CEP78: variants seen among roughly 807,000 people sequenced by gnomAD.
CEP78 encodes centrosomal protein 78.
Under a neutral mutation model 81.2 loss-of-function variants are expected in CEP78, and 76 were observed. The ratio of observed to expected loss-of-function variants is 0.94; its 90% CI spans 0.78 to 1.13. The LOEUF (loss-of-function observed/expected upper bound fraction) is 1.13. Among genes scored for constraint, CEP78 ranks in the 50% most tolerant of loss-of-function variants. The probability of loss-of-function intolerance (pLI) is 0.00; values close to 1 mark genes in which losing one functional copy is unlikely to be tolerated. For synonymous variants in CEP78, 293 were observed against 301.4 expected (o/e 0.97, Z 0.29); for missense variants, 918 against 846.8 (o/e 1.08, Z -1.04).
Position 78,264,212 on chromosome 9 carries a change from A to G in CEP78, c.1521A>G (p.Ala507=), listed in dbSNP as rs1248933468. Reference sequence around the variant, plus strand: ...TCTCTTTGTCTGAAGCCCTTCATGCACAGTCATTGACAAATATGATCCTGG... The same window carrying G: ...TCTCTTTGTCTGAAGCCCTTCATGCGCAGTCATTGACAAATATGATCCTGG... ...INFSLSEALH[A]QSLTNMILDD... is the part of the protein sequence containing the mutation. Residue 507 remains alanine (A), a synonymous_variant, in exon 13 of 17, where the codon GCA becomes GCG. Coordinates refer to ENST00000643273, the MANE Select transcript of CEP78 (RefSeq NM_001330691.3). 1 of 1,598,792 alleles carries G rather than the reference A, an allele frequency of 6.3e-7. No homozygotes were observed. Among genetic ancestry groups the G allele is most frequent in the Non-Finnish European group, 8.5e-7 (1 of 1,173,520 alleles).
At chr9:78,244,134 CTTTTTTTTTTT>C (rs971743733) in intron 5 of CEP78, among the ~76,000 whole-genome samples, 2 of 110,776 alleles carry the variant, frequency 1.8e-5, no homozygotes, top group Non-Finnish European at 3.7e-5. Flanking sequence ...ATTGAAGTTA[CTTTTTTTTTTT>C]TTTTTTTTTT....
chr9:78,256,800 A>G (rs1364180374), intron 11 of CEP78, among the ~76,000 whole-genome samples: 2 of 152,174 alleles, frequency 1.3e-5, no homozygotes, highest in African/African-American at 2.4e-5. Flanking sequence ...TACTTTAAGA[A>G]AAAAACTCTA....
rs766942671 is a variant in CEP78 at position 78,243,488 on chromosome 9, A to G, written c.630A>G (p.Glu210=). The change falls in exon 5 of 17, where the codon GAA becomes GAG. Residue 210 remains glutamate (E), a synonymous_variant. Transcript: ENST00000643273. The part of the protein sequence containing the change: ...LKYQTMRRHE[E]TWAESLRYRR... ...ATCAGACCATGAGAAGGCATGAAGA[A>G]ACCTGGGCTGAGAGTCTTCGCTATA... The G allele has an allele frequency of 1.9e-6, 3 of 1,613,372 alleles. No homozygotes were observed. The African/African-American group carries it at 4.0e-5, about 22-fold the overall frequency.
In CEP78 at chr9:78,274,377, T is replaced by G. The variant is rs2118547968; in HGVS notation, c.*3526T>G. ...AGGGAGTTTGTTTGTTTGTTTGTTTTGGTGATGAACAGTTCTGTATCCTGA... is the reference window on the plus strand; with the variant it reads ...AGGGAGTTTGTTTGTTTGTTTGTTTGGGTGATGAACAGTTCTGTATCCTGA... On this transcript the variant is annotated 3_prime_UTR_variant, in exon 17 of 17. Coordinates refer to ENST00000643273, the MANE Select transcript of CEP78 (RefSeq NM_001330691.3). 1 of 152,358 alleles carries G rather than the reference T, an allele frequency of 6.6e-6. No individual in the cohort carries two copies. The highest frequency in any genetic ancestry group is 2.1e-4 in the South Asian group (1 of 4,828). 9.4% of individuals were successfully genotyped at this position (152,358 alleles called of 1,614,324 possible).
intron 11 of CEP78, among the ~76,000 whole-genome samples, chr9:78,259,607 C>T (rs780113778): frequency 6.6e-6 from 1 of 152,052 alleles, no homozygotes; most frequent in African/African-American, 2.4e-5. Flanking sequence ...ATTCATTTTG[C>T]GTTGATCATA....
intron 13 of CEP78, among the ~76,000 whole-genome samples, chr9:78,264,731 T>C (rs912560447): frequency 2.0e-5 from 3 of 152,158 alleles, no homozygotes; most frequent in African/African-American, 7.2e-5. Context: ...GAAGGTAGTT[T>C]TAATTGAAAG....
At position 78,266,619 on chromosome 9, in the gene CEP78, G is replaced by A; in HGVS notation, c.2023G>A (p.Ala675Thr). Residue 675 changes from alanine to threonine, a missense_variant, in exon 16 of 17, where the codon GCG becomes ACG. By Grantham distance (58) the Ala-to-Thr change is moderately conservative. Coordinates refer to ENST00000643273, the MANE Select transcript of CEP78 (RefSeq NM_001330691.3). ...IARMCSPSPD[A>T]TSGTGSQRKE... ...TAGAATGTGTTCTCCTTCACCAGATGCGACTTCTGGAACTGGAAGTCAAAG... is the reference window on the plus strand; with the variant it reads ...TAGAATGTGTTCTCCTTCACCAGATACGACTTCTGGAACTGGAAGTCAAAG... The A allele has an allele frequency of 1.9e-6, 3 of 1,613,230 alleles. No individual in the cohort carries two copies. The highest frequency in any genetic ancestry group is 2.2e-5 in the South Asian group (2 of 90,970).
chr9:78,261,156 G>C (rs927315899), intron 11 of CEP78, among the ~76,000 whole-genome samples: 1 of 151,960 alleles, frequency 6.6e-6, no homozygotes, highest in Non-Finnish European at 1.5e-5. Flanking sequence ...TCACCATGTT[G>C]GCCTCAATTT....
In CEP78 at chr9:78,246,761, A is replaced by G. The variant is rs1461771211; in HGVS notation, c.871A>G (p.Ile291Val). 6 of 1,596,174 alleles carry G rather than the reference A, an allele frequency of 3.8e-6. No individual in the cohort carries two copies. Among genetic ancestry groups the G allele is most frequent in the African/African-American group, 1.4e-5 (1 of 73,992 alleles). ...ETNTTLVVLDIRKNPLIDHSM... is the reference protein window; with the variant it reads ...ETNTTLVVLDVRKNPLIDHSM... ...CAATACAACTCTGGTCGTTCTGGAT[A>G]TAAGAAAAAATCCACTCATTGGTAT... The change falls in exon 6 of 17, where the codon ATA becomes GTA. Residue 291 changes from isoleucine (I) to valine (V), a missense_variant. By Grantham distance (29) the Ile-to-Val change is conservative. Transcript: ENST00000643273.
In CEP78 at chr9:78,275,668, T is replaced by C. The variant is rs1219964470; in HGVS notation, c.*4817T>C. 2 of 150,978 alleles carry C rather than the reference T, an allele frequency of 1.3e-5. No individual in the cohort carries two copies. Among genetic ancestry groups the C allele is most frequent in the East Asian group, 3.9e-4 (2 of 5,138 alleles). The allele number at this position is 150,978 out of a possible 1,614,324, so 9.4% of individuals were successfully genotyped here. On this transcript the variant is annotated 3_prime_UTR_variant, in exon 17 of 17. Coordinates refer to ENST00000643273, the MANE Select transcript of CEP78 (RefSeq NM_001330691.3). ...TAAAGGGGCCAGGTGTGGTGGCTCA[T>C]GTCTGTAATCCCAGCACTTTGGGAC...
At chr9:78,265,796 AT>A in intron 14 of CEP78, 62 bp from the exon 15 acceptor site, 1 of 881,764 alleles carries the variant, frequency 1.1e-6, no homozygotes, top group South Asian at 1.5e-5. Context: ...GAAATGAAAG[AT>A]TAGAGAAATG....
At chr9:78,245,792 A>G (rs987404434) in intron 5 of CEP78, among the ~76,000 whole-genome samples, 1 of 152,204 alleles carries the variant, frequency 6.6e-6, no homozygotes, top group African/African-American at 2.4e-5. Context: ...TTTTTAGTAT[A>G]TAATCTCTAT....
intron 3 of CEP78, among the ~76,000 whole-genome samples, chr9:78,240,693 G>A (rs1282558181): frequency 6.6e-6 from 1 of 152,246 alleles, no homozygotes; most frequent in Non-Finnish European, 1.5e-5. Context: ...GGGCGTGGTG[G>A]CTCACGCCTG....
chr9:78,245,299 A>G (rs1273203460), intron 5 of CEP78, among the ~76,000 whole-genome samples: 1 of 152,164 alleles, frequency 6.6e-6, no homozygotes, highest in Non-Finnish European at 1.5e-5. Flanking sequence ...CGAGAAGCCC[A>G]AGATCCAGAT....
At chr9:78,237,874 C>CG (rs778356829) in intron 1 of CEP78, among the ~76,000 whole-genome samples, 18 of 139,840 alleles carry the variant, frequency 1.3e-4, no homozygotes, top group East Asian at 6.6e-4. Context: ...GAGGCCAAGG[C>CG]GGGGGGGTGT....
Position 78,266,430 on chromosome 9 carries a change from T to C in CEP78, c.1846-12T>C. On this transcript the variant is annotated splice_polypyrimidine_tract_variant and intron_variant, in intron 15 of 16. Transcript: ENST00000643273. ...GTTTGTCACTAAATTTTTGTTTTGT[T>C]TTTCCTTCTAGTTTCAGAAAATTAC... The C allele has an allele frequency of 6.4e-7, 1 of 1,572,022 alleles. No homozygotes were observed. The highest frequency in any genetic ancestry group is 2.3e-5 in the East Asian group (1 of 44,290).
At chr9:78,236,967 G>GTTTTTTTTTT (rs1825974556) in intron 1 of CEP78, among the ~76,000 whole-genome samples, 2 of 54,496 alleles carry the variant, frequency 3.7e-5, no homozygotes, top group African/African-American at 1.4e-4. Flanking sequence ...GTCAGCCTTT[G>GTTTTTTTTTT]TCTTTTTTTT....
At chr9:78,253,120 A>C (rs1209052714) in intron 9 of CEP78, 112 bp from the exon 10 acceptor site, 2 of 644,968 alleles carry the variant, frequency 3.1e-6, no homozygotes, top group Non-Finnish European at 2.9e-6. Flanking sequence ...ATTTATCTCT[A>C]TGCACAGTTA....
chr9:78,254,680 C>G (rs1450004874), intron 10 of CEP78, 156 bp from the exon 11 acceptor site: 1 of 395,876 alleles, frequency 2.5e-6, no homozygotes, highest in Non-Finnish European at 4.5e-6. Flanking sequence ...AAGTTAGTGT[C>G]TTTTTACTTT....
Sources: gnomAD v4.1 joint callset for allele counts (sites outside exome capture counted in the v4.1 genomes callset) on GRCh38, gnomAD v4.1.1 for gene constraint, MANE v1.5 for transcripts, NCBI Gene and HGNC (gene_info 2026-07-23, HGNC 2026-07-21) for gene names.